MAST4: variants seen among roughly 807,000 people sequenced by gnomAD.
MAST4 encodes the protein microtubule-associated serine/threonine-protein kinase 4.
Under a neutral mutation model 162.7 loss-of-function variants are expected in MAST4, and 89 were observed. That is an observed-to-expected ratio of 0.55 (90% CI 0.46 to 0.65). The LOEUF (loss-of-function observed/expected upper bound fraction) is 0.65. Ranked by LOEUF, MAST4 falls within the 30% of genes least tolerant of loss-of-function variation. The pLI is 0.00. For synonymous variants in MAST4, 1,479 were observed against 1,361.1 expected (o/e 1.09, Z -1.91); for missense variants, 3,153 against 3,374.0 (o/e 0.93, Z 1.62).
intron 3 of MAST4, among the ~76,000 whole-genome samples, chr5:66,819,964 ATTTTTTT>A (rs35712503): frequency 1.5e-5 from 2 of 132,160 alleles, no homozygotes; most frequent in African/African-American, 2.8e-5. Context: ...TTTTCTTTTA[ATTTTTTT>A]TTTTTTTTTG....
rs941778307 is a variant in MAST4 at position 66,809,006 on chromosome 5, TA to T, written c.642+20218del. 9.1e-4 allele frequency among the ~76,000 whole-genome samples: 138 copies of T among 152,232 alleles called. 2 individuals carry two copies. Among genetic ancestry groups the T allele is most frequent in the Non-Finnish European group, 5.9e-4 (40 of 68,038 alleles). ...GAGGTATTTCTTTTCTGAGGGTACT[TA>T]AAAAATGAGACCTAGAATTTCTCCT... On this transcript the variant is annotated intron_variant, in intron 3 of 28. Coordinates refer to ENST00000403625, the MANE Select transcript of MAST4 (RefSeq NM_001164664.2).
chr5:67,067,951 T>G (rs1760445495), intron 5 of MAST4, among the ~76,000 whole-genome samples: 1 of 152,144 alleles, frequency 6.6e-6, no homozygotes, highest in African/African-American at 2.4e-5. Context: ...ACACACAGGC[T>G]TGAAACCATT....
intron 1 of MAST4, among the ~76,000 whole-genome samples, chr5:66,711,685 A>G (rs1330470354): frequency 6.6e-6 from 1 of 152,136 alleles, no homozygotes; most frequent in African/African-American, 2.4e-5. Flanking sequence ...AAATACAAGA[A>G]TTAGCTGGGC....
intron 1 of MAST4, among the ~76,000 whole-genome samples, chr5:66,742,260 A>T (rs78060256): frequency 0.018 from 2,694 of 152,272 alleles, 44 homozygotes; most frequent in South Asian, 0.05. Context: ...TTCAGAGTTC[A>T]TAAGATGCCA....
In MAST4 at chr5:66,984,667, G is replaced by T. The variant is rs114140270; in HGVS notation, c.675-69737G>T. 9.5e-3 allele frequency among the ~76,000 whole-genome samples: 1,434 copies of T among 150,446 alleles called. 10 individuals carry two copies. Among genetic ancestry groups the T allele is most frequent in the Non-Finnish European group, 0.014 (974 of 67,556 alleles). ...GAGAATGTTGCCTTGGACTACAGGG[G>T]TAAATAGTGAAATTGGAGAGAAGTA... On this transcript the variant is annotated intron_variant, in intron 4 of 28. Coordinates refer to ENST00000403625, the MANE Select transcript of MAST4 (RefSeq NM_001164664.2).
chr5:67,074,112 G>A (rs1003509877), intron 5 of MAST4, among the ~76,000 whole-genome samples: 4 of 150,822 alleles, frequency 2.7e-5, no homozygotes, highest in South Asian at 2.1e-4. Context: ...TTTAATGAAC[G>A]TATGAAAATA....
At chr5:67,060,956 A>G (rs1244482046) in intron 5 of MAST4, among the ~76,000 whole-genome samples, 2 of 152,338 alleles carry the variant, frequency 1.3e-5, no homozygotes, top group Admixed American at 6.5e-5. Flanking sequence ...AAGAGAGTTT[A>G]TAGGCTATGT....
intron 4 of MAST4, among the ~76,000 whole-genome samples, chr5:66,998,415 G>A (rs1057069232): frequency 3.3e-5 from 5 of 152,076 alleles, no homozygotes; most frequent in Admixed American, 1.3e-4. Context: ...AACGCAATTC[G>A]TTACCTATCA....
intron 1 of MAST4, among the ~76,000 whole-genome samples, chr5:66,745,483 A>T (rs1752698923): frequency 6.6e-6 from 1 of 152,184 alleles, no homozygotes; most frequent in African/African-American, 2.4e-5. Flanking sequence ...CTAATTATCA[A>T]TTAATCGATC....
intron 1 of MAST4, among the ~76,000 whole-genome samples, chr5:66,698,760 A>G (rs111746909): frequency 3.6e-4 from 55 of 152,198 alleles, no homozygotes; most frequent in Admixed American, 1.4e-3. Flanking sequence ...GCACCACCAC[A>G]TACCCTTAGA....
intron 12 of MAST4, among the ~76,000 whole-genome samples, chr5:67,117,245 C>A (rs1298795049): frequency 6.6e-6 from 1 of 152,134 alleles, no homozygotes; most frequent in Non-Finnish European, 1.5e-5. Flanking sequence ...AGATGCTAGT[C>A]ATATTGGATA....
chr5:66,998,408 G>T (rs769772545), intron 4 of MAST4, among the ~76,000 whole-genome samples: 1 of 152,090 alleles, frequency 6.6e-6, no homozygotes, highest in Non-Finnish European at 1.5e-5. Flanking sequence ...ATACTTAAAC[G>T]CAATTCGTTA....
intron 1 of MAST4, among the ~76,000 whole-genome samples, chr5:66,657,950 G>A (rs959818952): frequency 2.6e-5 from 4 of 152,112 alleles, no homozygotes; most frequent in Non-Finnish European, 5.9e-5. Context: ...TTTATGTGGG[G>A]GAATATGTTT....
intron 4 of MAST4, among the ~76,000 whole-genome samples, chr5:67,010,164 T>C (rs2006323): frequency 0.22 from 32,787 of 152,152 alleles, 3,967 homozygotes; most frequent in Non-Finnish European, 0.27. Flanking sequence ...ATTCAGCCAG[T>C]ATCCCAAACG....
At chr5:67,094,239 G>T in intron 6 of MAST4, 1 of 1,039,550 alleles carries the variant, frequency 9.6e-7, no homozygotes, top group East Asian at 2.6e-5. Context: ...TCTTGTCTTT[G>T]TGGACCATTT....
At chr5:66,803,848 T>C (rs1464824865) in intron 3 of MAST4, among the ~76,000 whole-genome samples, 2 of 152,290 alleles carry the variant, frequency 1.3e-5, no homozygotes, top group African/African-American at 4.8e-5. Flanking sequence ...CAGGATTAAG[T>C]TGAATAGACG....
intron 4 of MAST4, among the ~76,000 whole-genome samples, chr5:67,025,805 C>T (rs903014364): frequency 1.3e-5 from 2 of 152,188 alleles, no homozygotes; most frequent in Non-Finnish European, 2.9e-5. Flanking sequence ...AATTATCACC[C>T]ACATCATGTG....
At chr5:66,602,289 G>A (rs1311495335) in intron 1 of MAST4, among the ~76,000 whole-genome samples, 2 of 152,152 alleles carry the variant, frequency 1.3e-5, no homozygotes, top group Non-Finnish European at 2.9e-5. Flanking sequence ...CTGTTGACAG[G>A]AAGTGTGGTG....
intron 4 of MAST4, among the ~76,000 whole-genome samples, chr5:66,933,429 T>G (rs1454694702): frequency 6.6e-6 from 1 of 152,240 alleles, no homozygotes; most frequent in African/African-American, 2.4e-5. Context: ...TTTCTCTTGA[T>G]TGCATGCCAT....
Sources: gnomAD v4.1 joint callset for allele counts (sites outside exome capture counted in the v4.1 genomes callset) on GRCh38, gnomAD v4.1.1 for gene constraint, MANE v1.5 for transcripts, NCBI Gene and HGNC (gene_info 2026-07-23, HGNC 2026-07-21) for gene names.